The following EFL1 variants were observed in gnomAD, a reference collection of about 807,000 sequenced individuals.
The protein encoded by EFL1 is elongation factor like GTPase 1, also known as elongation factor-like GTPase 1.
A neutral mutation model predicts 126.7 loss-of-function variants in EFL1; 76 were observed. That is an observed-to-expected ratio of 0.60 (90% CI 0.50 to 0.73). The LOEUF is 0.73. EFL1 is among the 30% of genes least tolerant of loss of function. The probability of loss-of-function intolerance (pLI) is 0.00; values close to 1 mark genes in which losing one functional copy is unlikely to be tolerated. For synonymous variants in EFL1, 410 were observed against 448.4 expected (o/e 0.91, Z 1.08); for missense variants, 1,128 against 1,343.2 (o/e 0.84, Z 2.50).
At chr15:82,216,709 G>C (rs2074650685) in intron 14 of EFL1, among the ~76,000 whole-genome samples, 3 of 152,058 alleles carry the variant, frequency 2.0e-5, no homozygotes, top group Non-Finnish European at 1.5e-5. Flanking sequence ...ATTTAAACAT[G>C]AAAAGTAAAA....
At chr15:82,212,319 G>A (rs1020042117) in intron 15 of EFL1, among the ~76,000 whole-genome samples, 18 of 152,180 alleles carry the variant, frequency 1.2e-4, no homozygotes, top group African/African-American at 4.3e-4. Flanking sequence ...AATTAAAAGT[G>A]GCTGTTCTAT....
intron 4 of EFL1, among the ~76,000 whole-genome samples, chr15:82,251,509 TA>T (rs1198136730): frequency 6.6e-6 from 1 of 152,092 alleles, no homozygotes; most frequent in African/African-American, 2.4e-5. Flanking sequence ...AACAGACTAA[TA>T]ATCTGAGTAA....
chr15:82,203,379 GTTT>G (rs1413397324), intron 15 of EFL1, among the ~76,000 whole-genome samples: 2 of 151,798 alleles, frequency 1.3e-5, no homozygotes, highest in East Asian at 3.9e-4. Context: ...TGTTTTTTGG[GTTT>G]TTTTGAGACG....
chr15:82,167,277 T>C (rs767796335), intron 15 of EFL1, among the ~76,000 whole-genome samples: 5 of 152,212 alleles, frequency 3.3e-5, no homozygotes, highest in Non-Finnish European at 7.3e-5. Flanking sequence ...TTTATGATCC[T>C]GATTTTTCTC....
chr15:82,190,508 T>A (rs1269839891), intron 15 of EFL1, among the ~76,000 whole-genome samples: 1 of 152,210 alleles, frequency 6.6e-6, no homozygotes, highest in Non-Finnish European at 1.5e-5. Context: ...GAGGGAAGTA[T>A]CCATGTTTGT....
rs116294997 is a variant in EFL1, at chr15:82,182,491, G to A, written c.1751-18507C>T. Among the ~76,000 whole-genome samples, 1,243 of 152,156 alleles carry A rather than the reference G, an allele frequency of 8.2e-3. 18 individuals are homozygous for A. The highest frequency in any genetic ancestry group is 0.027 in the African/African-American group (1,137 of 41,514). ...TCTGAAGTATTATTCTGTTAGAAAC[G>A]ACAGGTTGGGCCAAAGAGGATGGCA... On this transcript the variant is annotated intron_variant, in intron 15 of 19. Transcript: ENST00000268206.
intron 15 of EFL1, among the ~76,000 whole-genome samples, chr15:82,169,812 C>T (rs551164561): frequency 7.2e-5 from 11 of 152,256 alleles, no homozygotes; most frequent in Admixed American, 3.3e-4. Context: ...TCAGTTTTAA[C>T]GGCAAGGACC....
chr15:82,253,509 T>C (rs1319971476), intron 3 of EFL1, among the ~76,000 whole-genome samples: 1 of 152,124 alleles, frequency 6.6e-6, no homozygotes, highest in East Asian at 1.9e-4. Flanking sequence ...CCGTGAATGA[T>C]GGGGCAGGTC....
At chr15:82,198,063 C>G (rs2074426564) in intron 15 of EFL1, among the ~76,000 whole-genome samples, 1 of 152,186 alleles carries the variant, frequency 6.6e-6, no homozygotes, top group African/African-American at 2.4e-5. Flanking sequence ...CCTTTATAAA[C>G]AGTTACAGGC....
At chr15:82,157,379 A>G (rs1446287323) in intron 17 of EFL1, 4 of 181,224 alleles carry the variant, frequency 2.2e-5, no homozygotes, top group Admixed American at 2.2e-4. Flanking sequence ...AGTCTATCCT[A>G]ATTACATAGC....
Position 82,209,316 on chromosome 15 carries a change from G to GACACACACACAC in EFL1, c.1750+5389_1750+5400dup, listed in dbSNP as rs57128885. Among the ~76,000 whole-genome samples the GACACACACACAC allele has an allele frequency of 8.8e-3, 1,280 of 146,284 alleles. 16 individuals carry two copies. The highest frequency in any genetic ancestry group is 0.027 in the African/African-American group (1,067 of 39,308). On this transcript the variant is annotated intron_variant, in intron 15 of 19. Transcript: ENST00000268206. ...GACTAAGGATTCACACACAGACACA[G>GACACACACACAC]ACACACACACACACACACACACACA...
At chr15:82,255,630 C>G (rs999915258) in intron 3 of EFL1, among the ~76,000 whole-genome samples, 7 of 152,068 alleles carry the variant, frequency 4.6e-5, no homozygotes, top group African/African-American at 1.4e-4. Flanking sequence ...AATAAAAAAG[C>G]TTTTAAATAA....
At position 82,220,136 on chromosome 15, in the gene EFL1, C is replaced by T; in HGVS notation, c.1386G>A (p.Leu462=). ...TGGCACTCCCATCTTGGGTGGGCTC[C>T]AAGGGTGCCTGTCCCTGTGCTGCTG... The part of the protein sequence containing the change: ...KLAAAQGQAP[L]EPTQDGSAIE... Residue 462 remains leucine (L), a synonymous_variant, in exon 13 of 20, where the codon TTG becomes TTA. Transcript: ENST00000268206. The T allele has an allele frequency of 6.2e-7, 1 of 1,613,884 alleles. No homozygotes were observed. Among genetic ancestry groups the T allele is most frequent in the Non-Finnish European group, 8.5e-7 (1 of 1,179,874 alleles).
chr15:82,138,567 T>C (rs1182728226), intron 19 of EFL1, 91 bp downstream of exon 19: 1 of 1,459,278 alleles, frequency 6.9e-7, no homozygotes, highest in Non-Finnish European at 9.3e-7. Context: ...CCAAATGGCA[T>C]GATCTGTGTT....
chr15:82,146,761 G>A (rs2073850755), intron 18 of EFL1, among the ~76,000 whole-genome samples: 1 of 152,140 alleles, frequency 6.6e-6, no homozygotes, highest in Non-Finnish European at 1.5e-5. Context: ...ACACACAGTT[G>A]CCGCACGCAG....
intron 15 of EFL1, among the ~76,000 whole-genome samples, chr15:82,208,819 A>G (rs1433470246): frequency 6.6e-6 from 1 of 152,184 alleles, no homozygotes; most frequent in African/African-American, 2.4e-5. Flanking sequence ...CGGCACAATA[A>G]ATAAGAGACA....
chr15:82,260,699 G>C (rs763845961), intron 2 of EFL1, among the ~76,000 whole-genome samples: 8 of 152,170 alleles, frequency 5.3e-5, no homozygotes, highest in Non-Finnish European at 8.8e-5. Flanking sequence ...AAAAAGGCAA[G>C]GTATGTAACT....
At chr15:82,139,627 G>T (rs187086567) in intron 18 of EFL1, among the ~76,000 whole-genome samples, 1 of 152,188 alleles carries the variant, frequency 6.6e-6, no homozygotes, top group Non-Finnish European at 1.5e-5. Flanking sequence ...ACCCTGCAAA[G>T]AATAGAGATA....
intron 3 of EFL1, among the ~76,000 whole-genome samples, chr15:82,254,293 C>A (rs9972440): frequency 0.13 from 19,656 of 152,158 alleles, 1,514 homozygotes; most frequent in South Asian, 0.38. Flanking sequence ...GATCCCACTG[C>A]TGGTTTCCCT....
Sources: gnomAD v4.1 joint callset for allele counts (sites outside exome capture counted in the v4.1 genomes callset) on GRCh38, gnomAD v4.1.1 for gene constraint, MANE v1.5 for transcripts, NCBI Gene and HGNC (gene_info 2026-07-23, HGNC 2026-07-21) for gene names.